The following TRHDE variants were observed in gnomAD, a reference collection of about 807,000 sequenced individuals.
TRHDE encodes thyrotropin-releasing hormone-degrading ectoenzyme.
A neutral mutation model predicts 125.7 loss-of-function variants in TRHDE; 72 were observed. The observed-to-expected ratio is 0.57, with a 90% CI of 0.47 to 0.70. The LOEUF (loss-of-function observed/expected upper bound fraction) is 0.70. TRHDE is among the 30% of genes least tolerant of loss of function. The pLI is 0.00. For synonymous variants in TRHDE, 509 were observed against 509.1 expected (o/e 1.00, Z 0.00); for missense variants, 1,110 against 1,327.1 (o/e 0.84, Z 2.54).
chr12:72,298,943 A>G (rs1880404569), intron 2 of TRHDE, among the ~76,000 whole-genome samples: 1 of 152,208 alleles, frequency 6.6e-6, no homozygotes, highest in Non-Finnish European at 1.5e-5. Flanking sequence ...AGTGGAGTTT[A>G]GGTTGCAGTT....
intron 2 of TRHDE, among the ~76,000 whole-genome samples, chr12:72,171,078 A>T (rs767808899): frequency 3.3e-5 from 5 of 152,184 alleles, no homozygotes; most frequent in Non-Finnish European, 7.4e-5. Context: ...AGCAAGGGTT[A>T]CTGGCCCTTT....
rs746211300 is a variant in TRHDE, at chr12:72,621,129, G to A, written c.2491G>A (p.Ala831Thr). The A allele has an allele frequency of 1.2e-6, 2 of 1,610,104 alleles. No individual in the cohort carries two copies. The highest frequency in any genetic ancestry group is 1.7e-6 in the Non-Finnish European group (2 of 1,177,240). ...IFNEYILKQVATTYIKLGWPK... is the reference protein window; with the variant it reads ...IFNEYILKQVTTTYIKLGWPK... ...TTAGGAATATATTTTAAAGCAAGTT[G>A]CAACAACATATATCAAGCTTGGGTG... The change falls in exon 14 of 19, where the codon GCA (alanine) becomes ACA (threonine). Residue 831 changes from alanine to threonine, a missense_variant. Ala to Thr is a moderately conservative substitution (Grantham distance 58). Coordinates refer to ENST00000261180, the MANE Select transcript of TRHDE (RefSeq NM_013381.3).
intron 5 of TRHDE, among the ~76,000 whole-genome samples, chr12:72,476,433 G>A (rs925379413): frequency 6.6e-5 from 10 of 152,172 alleles, no homozygotes; most frequent in Admixed American, 1.3e-4. Context: ...CTGCCAGCAC[G>A]AATTTTCATA....
At chr12:72,381,798 C>T (rs1379495487) in intron 3 of TRHDE, among the ~76,000 whole-genome samples, 1 of 152,050 alleles carries the variant, frequency 6.6e-6, no homozygotes, top group Non-Finnish European at 1.5e-5. Flanking sequence ...GTGGAATTGC[C>T]ATTTAGTGAG....
At chr12:72,096,134 T>TACACGC (rs1874915683) in intron 1 of TRHDE, among the ~76,000 whole-genome samples, 1 of 145,100 alleles carries the variant, frequency 6.9e-6, no homozygotes, top group East Asian at 2.0e-4. Context: ...CTTATGTGTA[T>TACACGC]ACACACACAC....
intron 3 of TRHDE, among the ~76,000 whole-genome samples, chr12:72,425,517 A>C (rs1215611297): frequency 6.6e-6 from 1 of 152,054 alleles, no homozygotes; most frequent in African/African-American, 2.4e-5. Flanking sequence ...TTGAGTTTCC[A>C]TAATTTGTCT....
At chr12:72,464,296 A>G (rs1046840798) in intron 3 of TRHDE, among the ~76,000 whole-genome samples, 2 of 152,154 alleles carry the variant, frequency 1.3e-5, no homozygotes, top group African/African-American at 4.8e-5. Flanking sequence ...ATAACCAAAT[A>G]CCTGAGACTG....
At chr12:72,518,929 T>A (rs1879028148) in intron 6 of TRHDE, among the ~76,000 whole-genome samples, 1 of 151,982 alleles carries the variant, frequency 6.6e-6, no homozygotes, top group African/African-American at 2.4e-5. Context: ...GGATATGAAA[T>A]TCTGGGTTGA....
At chr12:72,125,235 TAG>T (rs1169258631) in intron 2 of TRHDE, among the ~76,000 whole-genome samples, 3 of 152,312 alleles carry the variant, frequency 2.0e-5, no homozygotes, top group African/African-American at 4.8e-5. Flanking sequence ...TCGTTTTGTA[TAG>T]AGAGTTTTGT....
intron 2 of TRHDE, among the ~76,000 whole-genome samples, chr12:72,119,484 G>A (rs538627442): frequency 1.1e-4 from 17 of 152,156 alleles, no homozygotes; most frequent in Non-Finnish European, 2.2e-4. Context: ...AATTATCCAT[G>A]TGCTGAGGAG....
At position 72,099,090 on chromosome 12, in the gene TRHDE, G is replaced by A. The variant is rs543527416; in HGVS notation, n.175-6558G>A. 1.2e-4 allele frequency among the ~76,000 whole-genome samples: 18 copies of A among 152,092 alleles called. No individual in the cohort carries two copies. In the South Asian group the frequency reaches 3.3e-3, roughly 28 times the overall value. On this transcript the variant is annotated intron_variant and non_coding_transcript_variant, in intron 1 of 4. Coordinates refer to the TRHDE transcript ENST00000548156. ...TGAGGCAGGAGAATCGCTTGAACCC[G>A]GGAGGTGGAGGTTGCAGTGAGCCAG...
chr12:72,090,171 C>T (rs576331888), intron 1 of TRHDE, among the ~76,000 whole-genome samples: 5 of 152,034 alleles, frequency 3.3e-5, no homozygotes, highest in African/African-American at 4.8e-5. Context: ...TGTAAAAGCC[C>T]TCTGGAAGAA....
intron 2 of TRHDE, among the ~76,000 whole-genome samples, chr12:72,177,875 C>T (rs770635125): frequency 2.6e-5 from 4 of 152,016 alleles, no homozygotes; most frequent in Non-Finnish European, 4.4e-5. Flanking sequence ...CAAGTGAGTA[C>T]TTGGAACTGT....
At chr12:72,587,971 C>T (rs1157996862) in intron 12 of TRHDE, among the ~76,000 whole-genome samples, 1 of 152,050 alleles carries the variant, frequency 6.6e-6, no homozygotes, top group Non-Finnish European at 1.5e-5. Flanking sequence ...ACCTATTTCT[C>T]ATTGCAAACA....
At chr12:72,566,248 T>C (rs1870435905) in intron 9 of TRHDE, among the ~76,000 whole-genome samples, 1 of 152,036 alleles carries the variant, frequency 6.6e-6, no homozygotes, top group Admixed American at 6.5e-5. Context: ...TATATGTAGA[T>C]TTTCGTTATG....
chr12:72,602,481 C>G (rs1316219260), intron 12 of TRHDE, among the ~76,000 whole-genome samples: 1 of 152,116 alleles, frequency 6.6e-6, no homozygotes, highest in Non-Finnish European at 1.5e-5. Flanking sequence ...TGGTGGGTTA[C>G]ACTGGTACAT....
At chr12:72,091,601 CAAG>C (rs1319712124) in intron 1 of TRHDE, among the ~76,000 whole-genome samples, 1 of 152,122 alleles carries the variant, frequency 6.6e-6, no homozygotes, top group African/African-American at 2.4e-5. Flanking sequence ...CAGGTTGCAT[CAAG>C]AAGAATATTG....
intron 9 of TRHDE, among the ~76,000 whole-genome samples, chr12:72,564,279 C>G (rs1325693429): frequency 1.3e-5 from 2 of 152,150 alleles, no homozygotes; most frequent in Non-Finnish European, 2.9e-5. Flanking sequence ...TTTCCCACAT[C>G]TGCCAAGTGC....
chr12:72,361,739 A>G (rs1237807280), intron 2 of TRHDE, among the ~76,000 whole-genome samples: 1 of 137,912 alleles, frequency 7.3e-6, no homozygotes, highest in Non-Finnish European at 1.6e-5. Context: ...CAGTCCCCAG[A>G]GTGTGATGTT....
Sources: allele counts gnomAD v4.1 joint callset (sites outside exome capture counted in the v4.1 genomes callset), GRCh38; gene constraint gnomAD v4.1.1; transcripts MANE v1.5; gene names NCBI Gene and HGNC (gene_info 2026-07-23, HGNC 2026-07-21).